EXOSC10: variants seen among roughly 807,000 people sequenced by gnomAD.
EXOSC10 encodes exosome component 10, also known as exosome complex component 10.
A neutral mutation model predicts 126.6 loss-of-function variants in EXOSC10; 94 were observed. That is an observed-to-expected ratio of 0.74 (90% confidence interval 0.63 to 0.88). EXOSC10 has a LOEUF of 0.88. Among genes scored for constraint, EXOSC10 ranks in the 40% least tolerant of loss-of-function variants. EXOSC10 has a pLI of 0.00. For synonymous variants in EXOSC10, 395 were observed against 400.8 expected, an observed-to-expected ratio of 0.99 and a Z score of 0.17; for missense variants, 1,041 against 1,100.5, an observed-to-expected ratio of 0.95 and a Z score of 0.77.
rs761662022 is a variant in EXOSC10 at position 11,098,170 on chromosome 1, G to C, written c.112-14C>G. On this transcript the variant is annotated splice_polypyrimidine_tract_variant and intron_variant, in intron 1 of 24. Transcript: ENST00000376936. ...CCCAAGAGCAAACTGTCAAAAACAA[G>C]AAAAGATGGCATGTTTACACAGGGA... The C allele has an allele frequency of 6.3e-7, 1 of 1,587,928 alleles. No homozygotes were observed. The highest frequency in any genetic ancestry group is 1.4e-5 in the African/African-American group (1 of 73,198).
chr1:11,081,021 A>G (rs1640134367), intron 11 of EXOSC10, 61 bp downstream of exon 11: 1 of 1,597,696 alleles, frequency 6.3e-7, no homozygotes, highest in Admixed American at 1.7e-5. Context: ...CCTAAGAACT[A>G]GAACCTGGCC....
intron 5 of EXOSC10, 100 bp from the exon 6 acceptor site, chr1:11,090,768 T>C: frequency 1.0e-6 from 1 of 957,118 alleles, no homozygotes; most frequent in Non-Finnish European, 1.6e-6. Flanking sequence ...GCTTTTTTTT[T>C]TGAGACAGGG....
At position 11,091,401 on chromosome 1, in the gene EXOSC10, A is replaced by C. The variant is rs545755399; in HGVS notation, c.477+92T>G. ...TAAAGGAGACAGTGGCCAGTTCTCT[A>C]ATAAATTAGAACAGAAATGCATGTT... On this transcript the variant is annotated intron_variant, in intron 4 of 24. Coordinates refer to ENST00000376936, the MANE Select transcript of EXOSC10 (RefSeq NM_001001998.3). 1.0e-5 allele frequency: 12 copies of C among 1,144,320 alleles called. No homozygotes were observed. In the South Asian group the frequency reaches 1.5e-4, roughly 14 times the overall value. The allele number at this position is 1,144,320 out of a possible 1,614,324, so 70.9% of individuals were successfully genotyped here. A position where few individuals can be genotyped will look rare whatever the true frequency, so the allele number is the denominator to read the frequency against.
intron 3 of EXOSC10, among the ~76,000 whole-genome samples, chr1:11,094,485 A>G (rs1157423634): frequency 1.3e-5 from 2 of 151,212 alleles, no homozygotes; most frequent in Non-Finnish European, 2.9e-5. Context: ...TAGTAGAGAC[A>G]GTGTTTTACC....
chr1:11,080,028 T>C (rs1284662587), intron 13 of EXOSC10, among the ~76,000 whole-genome samples: 2 of 152,218 alleles, frequency 1.3e-5, no homozygotes, highest in African/African-American at 4.8e-5. Context: ...TGGATCCCTC[T>C]TGGAGCCTGA....
chr1:11,084,154 A>G (rs1640356218), intron 9 of EXOSC10, among the ~76,000 whole-genome samples: 1 of 152,196 alleles, frequency 6.6e-6, no homozygotes, highest in East Asian at 1.9e-4. Context: ...GTAATGGGAT[A>G]GCTGGGTCAA....
At chr1:11,087,425 T>A in intron 9 of EXOSC10, 23 bp downstream of exon 9, 2 of 1,613,044 alleles carry the variant, frequency 1.2e-6, no homozygotes, top group Non-Finnish European at 1.7e-6. Context: ...CTCACATGCA[T>A]GAGTTACAAA....
At chr1:11,087,083 T>C (rs1640535497) in intron 9 of EXOSC10, among the ~76,000 whole-genome samples, 1 of 152,198 alleles carries the variant, frequency 6.6e-6, no homozygotes, top group African/African-American at 2.4e-5. Context: ...TTGTCTTCAG[T>C]CACAGCTTTC....
Position 11,088,180 on chromosome 1 carries a change from T to C in EXOSC10, c.777A>G (p.Gln259=). The part of the protein sequence containing the change: ...VEQDMFAHPY[Q]YELNHFTPAD... ...CTGGGGTAAAGTGATTTAGTTCATA[T>C]TGATAAGGATGTGCAAACCTGAGTA... Residue 259 remains glutamine (Q), a synonymous_variant, in exon 7 of 25, where the codon CAA becomes CAG. Coordinates refer to ENST00000376936, the MANE Select transcript of EXOSC10 (RefSeq NM_001001998.3). 1.9e-6 allele frequency: 3 copies of C among 1,612,650 alleles called. No individual in the cohort carries two copies. The highest frequency in any genetic ancestry group is 2.5e-6 in the Non-Finnish European group (3 of 1,179,480).
intron 3 of EXOSC10, among the ~76,000 whole-genome samples, chr1:11,095,127 G>A (rs927289752): frequency 3.3e-5 from 5 of 150,056 alleles, no homozygotes; most frequent in African/African-American, 7.4e-5. Flanking sequence ...TAGGAGAATC[G>A]CTTGAACCTG....
chr1:11,071,040 C>A, intron 20 of EXOSC10, 67 bp from the exon 21 acceptor site: 1 of 1,467,794 alleles, frequency 6.8e-7, no homozygotes, highest in Non-Finnish European at 9.4e-7. Flanking sequence ...CCATCTCCAT[C>A]CCCCTCCGAC....
chr1:11,094,663 T>C (rs1176898645), intron 3 of EXOSC10, among the ~76,000 whole-genome samples: 1 of 143,630 alleles, frequency 7.0e-6, no homozygotes, highest in East Asian at 2.2e-4. Context: ...TGCAGTGGCA[T>C]GATCGCGGCT....
In EXOSC10 at chr1:11,081,203, T is replaced by A; in HGVS notation, c.1316A>T (p.Asp439Val). Residue 439 changes from aspartate (D) to valine (V), a missense_variant, in exon 11 of 25, where the codon GAT becomes GTT. Asp to Val is a radical substitution (Grantham distance 152). This residue lies in a region of EXOSC10 where 645 missense variants were observed against 656.3 expected (regional missense o/e 0.98). Transcript: ENST00000376936. ...LPEEMLSYAR[D>V]DTHYLLYIYD... The stretch of plus-strand genomic sequence containing the variant: ...GATATATAGCAGGTAATGGGTGTCA[T>A]CCCGGGCGTAGCTGAGCATCTCCTC... 4 of 1,614,170 alleles carry A rather than the reference T, an allele frequency of 2.5e-6. No individual in the cohort carries two copies. Among genetic ancestry groups the A allele is most frequent in the Non-Finnish European group, 3.4e-6 (4 of 1,180,024 alleles).
intron 17 of EXOSC10, among the ~76,000 whole-genome samples, chr1:11,076,540 TTC>T (rs1412057453): frequency 1.3e-5 from 2 of 152,172 alleles, no homozygotes; most frequent in Non-Finnish European, 2.9e-5. Flanking sequence ...TGCTTGTATG[TTC>T]TCTTAGCGCA....
At position 11,095,829 on chromosome 1, in the gene EXOSC10, T is replaced by C; in HGVS notation, c.301A>G (p.Ser101Gly). The change falls in exon 3 of 25, where the codon AGT becomes GGT. Residue 101 changes from serine to glycine, a missense_variant. Ser to Gly is a moderately conservative substitution (Grantham distance 56). Transcript: ENST00000376936. The stretch of plus-strand genomic sequence containing the variant: ...TTGTCTTCCAGCTCAGTCACTTTAC[T>C]TCGATCCTTAATGTTGCTGCGACAC... ...HGCRSNIKDR[S>G]KVTELEDKFD... The C allele has an allele frequency of 6.2e-7, 1 of 1,614,140 alleles. No individual in the cohort carries two copies. Among genetic ancestry groups the C allele is most frequent in the South Asian group, 1.1e-5 (1 of 91,086 alleles).
At position 11,090,636 on chromosome 1, in the gene EXOSC10, C is replaced by A. The variant is rs1303654971; in HGVS notation, c.676G>T (p.Asp226Tyr). ...GGGACGTCCAAGTCCTCAGGACGATCCTGTGGGCGTTCCCGCCTTTCCTTA... is the reference window on the plus strand; with the variant it reads ...GGGACGTCCAAGTCCTCAGGACGATACTGTGGGCGTTCCCGCCTTTCCTTA... ...LSKERRERPQ[D>Y]RPEDLDVPPA... is the part of the protein sequence containing the mutation. The change falls in exon 6 of 25, where the codon GAT becomes TAT. Residue 226 changes from aspartate to tyrosine, a missense_variant. Coordinates refer to ENST00000376936, the MANE Select transcript of EXOSC10 (RefSeq NM_001001998.3). The A allele has an allele frequency of 1.4e-5, 22 of 1,612,958 alleles. No homozygotes were observed. The highest frequency in any genetic ancestry group is 1.5e-5 in the Non-Finnish European group (18 of 1,179,582).
rs1301280829 is a variant in EXOSC10, at chr1:11,099,706, G to A, written c.111+15C>T. 1 of 1,593,440 alleles carries A rather than the reference G, an allele frequency of 6.3e-7. No homozygotes were observed. The highest frequency in any genetic ancestry group is 2.3e-5 in the East Asian group (1 of 43,610). On this transcript the variant is annotated intron_variant, in intron 1 of 24. Transcript: ENST00000376936. ...GCGGGCGACTCCTGGTACCCCCGAG[G>A]CCCCGCGAACTCACCTTCACAAAGC...
At chr1:11,080,638 C>G in intron 12 of EXOSC10, 89 bp from the exon 13 acceptor site, 1 of 1,602,434 alleles carries the variant, frequency 6.2e-7, no homozygotes, top group Non-Finnish European at 8.5e-7. Context: ...CCAGTAAGTT[C>G]CATTAGATGC....
chr1:11,075,807 T>C (rs1012626199), intron 17 of EXOSC10, among the ~76,000 whole-genome samples: 3 of 120,174 alleles, frequency 2.5e-5, no homozygotes, highest in African/African-American at 9.6e-5. Flanking sequence ...TGAGCCAGGA[T>C]GGTGCCACTG....
Sources: gnomAD v4.1 joint callset for allele counts (sites outside exome capture counted in the v4.1 genomes callset) on GRCh38, gnomAD v4.1.1 for gene constraint, gnomAD v4.1.1 regional missense constraint, MANE v1.5 for transcripts, NCBI Gene and HGNC (gene_info 2026-07-23, HGNC 2026-07-21) for gene names.